AHDC1: variants seen among roughly 807,000 people sequenced by gnomAD.
AHDC1 encodes the protein transcription factor Gibbin.
AHDC1 carries 7 observed loss-of-function variants against 87.9 expected under a neutral mutation model. The observed-to-expected ratio is 0.08, with a 90% confidence interval of 0.05 to 0.15. The LOEUF (loss-of-function observed/expected upper bound fraction) is 0.15, where lower values mean the gene tolerates loss of function less well. Ranked by LOEUF, AHDC1 falls within the 10% of genes least tolerant of loss-of-function variation. The pLI, the probability that AHDC1 is intolerant of heterozygous loss-of-function variation, is 1.00. For synonymous variants in AHDC1, 1,051 were observed against 1,006.8 expected, an observed-to-expected ratio of 1.04 and a Z score of -0.83; for missense variants, 1,841 against 2,253.2, an observed-to-expected ratio of 0.82 and a Z score of 3.70.
chr1:27,554,463 G>A (rs994393606), intron 5 of AHDC1, among the ~76,000 whole-genome samples: 5 of 152,164 alleles, frequency 3.3e-5, no homozygotes, highest in Admixed American at 3.3e-4. Flanking sequence ...ACCTGACCCT[G>A]GGGCCTGGGC....
At chr1:27,546,639 T>C (rs1290765759) in intron 8 of AHDC1, among the ~76,000 whole-genome samples, 1 of 152,080 alleles carries the variant, frequency 6.6e-6, no homozygotes, top group Non-Finnish European at 1.5e-5. Flanking sequence ...TGTTGGAAAA[T>C]AGCCTTTGGG....
In AHDC1 at chr1:27,549,513, G is replaced by A. The variant is rs139987778; in HGVS notation, c.2603C>T (p.Ser868Leu). Residue 868 changes from serine (S) to leucine (L), a missense_variant, in exon 8 of 9, where the codon TCG (serine) becomes TTG (leucine). Physicochemically the swap from Ser to Leu is moderately radical, Grantham distance 145. Transcript: ENST00000673934. ...SASRPESRKASGTYAGPPTSA... is the reference protein window; with the variant it reads ...SASRPESRKALGTYAGPPTSA... Reference sequence around the variant, plus strand: ...GGTGGGTGGCCCTGCATAGGTGCCCGATGCCTTCCGGGACTCTGGGCGAGA... The same window carrying A: ...GGTGGGTGGCCCTGCATAGGTGCCCAATGCCTTCCGGGACTCTGGGCGAGA... 18 of 1,613,190 alleles carry A rather than the reference G, an allele frequency of 1.1e-5. No homozygotes were observed. Among genetic ancestry groups the A allele is most frequent in the African/African-American group, 2.7e-5 (2 of 74,936 alleles).
intron 3 of AHDC1, among the ~76,000 whole-genome samples, chr1:27,582,644 A>G (rs953722282): frequency 1.3e-5 from 2 of 152,220 alleles, no homozygotes; most frequent in African/African-American, 4.8e-5. Flanking sequence ...TGTGTCCTAG[A>G]AAAGTGCCTG....
intron 3 of AHDC1, among the ~76,000 whole-genome samples, chr1:27,570,609 C>T (rs2020523505): frequency 6.6e-6 from 1 of 152,156 alleles, no homozygotes. Context: ...CCAACAAGTC[C>T]CTGAGCTGCC....
In AHDC1 at chr1:27,550,752, G is replaced by A. The variant is rs757084539; in HGVS notation, c.1364C>T (p.Ser455Phe). 1.2e-5 allele frequency: 19 copies of A among 1,579,302 alleles called. No individual in the cohort carries two copies. Among genetic ancestry groups the A allele is most frequent in the Non-Finnish European group, 1.6e-5 (19 of 1,163,304 alleles). The change falls in exon 8 of 9, where the codon TCT becomes TTT. Residue 455 changes from serine to phenylalanine, a missense_variant. Physicochemically the swap from Ser to Phe is radical, Grantham distance 155. Coordinates refer to ENST00000673934, the MANE Select transcript of AHDC1 (RefSeq NM_001371928.1). ...GGTAGAGACCACTGGGGTCTGGGAA[G>A]ATTCCGGCTTCAACTCTGGGACTGA... is the stretch of plus-strand genomic sequence containing the variant. ...PVSVPELKPE[S>F]SQTPVVSTRK... is the part of the protein sequence containing the mutation.
At chr1:27,539,221 C>CCT (rs1397517581) in intron 8 of AHDC1, among the ~76,000 whole-genome samples, 1 of 151,156 alleles carries the variant, frequency 6.6e-6, no homozygotes, top group Non-Finnish European at 1.5e-5. Context: ...GTCACCGCAG[C>CCT]CTCAAACTCC....
At position 27,558,660 on chromosome 1, in the gene AHDC1, C is replaced by T; in HGVS notation, c.-451+46G>A. On this transcript the variant is annotated intron_variant, in intron 4 of 8. Coordinates refer to ENST00000673934, the MANE Select transcript of AHDC1 (RefSeq NM_001371928.1). This position sits in a 1 kb window ranked among gnomAD's most constrained non-coding sequence, Gnocchi z 5.6. ...GGCAAGTTCCCCTGATCCCCACTTC[C>T]TGGGGGTGGCCCAGGCCCAAGCCTG... The T allele has an allele frequency of 2.5e-6, 1 of 398,460 alleles. No individual in the cohort carries two copies. The highest frequency in any genetic ancestry group is 1.3e-4 in the South Asian group (1 of 7,762). The allele number at this position is 398,460 out of a possible 1,614,324, so 24.7% of individuals were successfully genotyped here.
At chr1:27,578,434 C>T (rs112436455) in intron 3 of AHDC1, among the ~76,000 whole-genome samples, 205 of 151,764 alleles carry the variant, frequency 1.4e-3, no homozygotes, top group African/African-American at 4.8e-3. Flanking sequence ...ACAAAAAATA[C>T]AAAAATTAGC....
Position 27,550,640 on chromosome 1 carries a change from T to C in AHDC1, c.1476A>G (p.Thr492=). ...PVSLGRRNKT[T]YKVSSLSSSL... is the part of the protein sequence containing the mutation. Reference sequence around the variant, plus strand: ...TGCTGCTCAAGGAAGACACTTTGTATGTGGTCTTGTTCCGCCGCCCCAGCG... The same window carrying C: ...TGCTGCTCAAGGAAGACACTTTGTACGTGGTCTTGTTCCGCCGCCCCAGCG... Residue 492 remains threonine, a synonymous_variant, in exon 8 of 9, where the codon ACA becomes ACG. Transcript: ENST00000673934. 2 of 1,613,666 alleles carry C rather than the reference T, an allele frequency of 1.2e-6. No homozygotes were observed. The highest frequency in any genetic ancestry group is 1.7e-6 in the Non-Finnish European group (2 of 1,180,022).
chr1:27,594,031 C>T (rs1301167853), intron 3 of AHDC1, among the ~76,000 whole-genome samples: 1 of 152,118 alleles, frequency 6.6e-6, no homozygotes, highest in Non-Finnish European at 1.5e-5. Flanking sequence ...ATACCCAGAG[C>T]CCCCCTATCT....
chr1:27,578,372 T>A (rs1442580802), intron 3 of AHDC1, among the ~76,000 whole-genome samples: 1 of 152,108 alleles, frequency 6.6e-6, no homozygotes, highest in Non-Finnish European at 1.5e-5. Flanking sequence ...GTGGATCACC[T>A]GAGGTCAGGA....
At chr1:27,594,492 GC>G (rs1401425278) in intron 3 of AHDC1, among the ~76,000 whole-genome samples, 1 of 152,220 alleles carries the variant, frequency 6.6e-6, no homozygotes, top group Non-Finnish European at 1.5e-5. Flanking sequence ...AAGGGGCTCT[GC>G]CCCCACCCCA....
chr1:27,579,523 G>A (rs2088852012), intron 3 of AHDC1, among the ~76,000 whole-genome samples: 1 of 152,096 alleles, frequency 6.6e-6, no homozygotes, highest in African/African-American at 2.4e-5. Context: ...TGTGACTATA[G>A]ATCACCTTTC....
Position 27,534,488 on chromosome 1 carries a change from T to A in AHDC1, c.*472A>T, listed in dbSNP as rs1466202137. Reference sequence around the variant, plus strand: ...ACCACAGCAGGTTTACAGAATGCAATATACAATCCACGATTTATAATAAAA... The same window carrying A: ...ACCACAGCAGGTTTACAGAATGCAAAATACAATCCACGATTTATAATAAAA... On this transcript the variant is annotated 3_prime_UTR_variant, in exon 9 of 9. Transcript: ENST00000673934. The A allele has an allele frequency of 6.6e-6, 1 of 151,952 alleles. No individual in the cohort carries two copies. Among genetic ancestry groups the A allele is most frequent in the Non-Finnish European group, 1.5e-5 (1 of 68,000 alleles). 9.4% of individuals were successfully genotyped at this position (151,952 alleles called of 1,614,324 possible).
intron 3 of AHDC1, among the ~76,000 whole-genome samples, chr1:27,575,899 G>A (rs2088721822): frequency 6.6e-6 from 1 of 151,824 alleles, no homozygotes; most frequent in African/African-American, 2.4e-5. Context: ...ATGGGAGGGG[G>A]GGCGGGGTCA....
At position 27,550,760 on chromosome 1, in the gene AHDC1, C is replaced by T. The variant is rs757832235; in HGVS notation, c.1356G>A (p.Lys452=). Residue 452 remains lysine (K), a synonymous_variant, in exon 8 of 9, where the codon AAG becomes AAA. Coordinates refer to ENST00000673934, the MANE Select transcript of AHDC1 (RefSeq NM_001371928.1). ...GPGPVSVPEL[K]PESSQTPVVS... is the part of the protein sequence containing the mutation. ...CCACTGGGGTCTGGGAAGATTCCGG[C>T]TTCAACTCTGGGACTGAGACCGGGC... is the stretch of plus-strand genomic sequence containing the variant. 6 of 1,576,356 alleles carry T rather than the reference C, an allele frequency of 3.8e-6. No individual in the cohort carries two copies. In the African/African-American group the frequency reaches 6.8e-5, roughly 18 times the overall value.
intron 5 of AHDC1, among the ~76,000 whole-genome samples, chr1:27,555,155 G>A (rs1460535123): frequency 4.6e-5 from 7 of 152,210 alleles, no homozygotes; most frequent in African/African-American, 1.2e-4. Context: ...TCCAAAGCCT[G>A]GGCCTGGGGG....
At chr1:27,570,929 T>G (rs1196543926) in intron 3 of AHDC1, among the ~76,000 whole-genome samples, 1 of 151,980 alleles carries the variant, frequency 6.6e-6, no homozygotes, top group African/African-American at 2.4e-5. Flanking sequence ...GGAATGTGAC[T>G]GGTCAGGTCT....
chr1:27,601,864 G>A (rs1008233476), intron 3 of AHDC1, among the ~76,000 whole-genome samples: 8 of 152,282 alleles, frequency 5.3e-5, no homozygotes, highest in Admixed American at 2.0e-4. Context: ...CCGCCCAGCC[G>A]GCGGCGACAG....
Sources: gnomAD v4.1 joint callset for allele counts (sites outside exome capture counted in the v4.1 genomes callset) on GRCh38, gnomAD v4.1.1 for gene constraint, Gnocchi (gnomAD v3.1) non-coding constraint, MANE v1.5 for transcripts, NCBI Gene and HGNC (gene_info 2026-07-23, HGNC 2026-07-21) for gene names.